The following AP3S1 variants were observed in gnomAD, a reference collection of about 807,000 sequenced individuals.
The protein encoded by AP3S1 is AP-3 complex subunit sigma-1.
Under a neutral mutation model 21.3 loss-of-function variants are expected in AP3S1, and 12 were observed. The observed-to-expected ratio is 0.56, with a 90% CI of 0.36 to 0.91. AP3S1 has a LOEUF of 0.91. Ranked by LOEUF, AP3S1 falls within the 40% of genes least tolerant of loss-of-function variation. The pLI is 0.01. For missense variants in AP3S1, 116 were observed against 225.0 expected (o/e 0.52, Z 3.10); for synonymous variants, 48 against 78.4 (o/e 0.61, Z 2.05).
intron 4 of AP3S1, 62 bp from the exon 5 acceptor site, chr5:115,902,823 A>G: frequency 8.2e-7 from 1 of 1,218,076 alleles, no homozygotes. Flanking sequence ...ACAAAAAGTG[A>G]ATCATGAAAC....
intron 3 of AP3S1, among the ~76,000 whole-genome samples, chr5:115,884,860 A>T (rs1580701118): frequency 6.6e-6 from 1 of 152,292 alleles, no homozygotes; most frequent in Middle Eastern, 3.4e-3. Context: ...TGTTGACTTG[A>T]GAGGCCCTGG....
intron 5 of AP3S1, among the ~76,000 whole-genome samples, chr5:115,909,885 G>T (rs1751957932): frequency 6.6e-6 from 1 of 152,018 alleles, no homozygotes; most frequent in Admixed American, 6.6e-5. Flanking sequence ...ATATACATAT[G>T]ATAAAATTTA....
chr5:115,872,071 T>G (rs1388626683), intron 3 of AP3S1, among the ~76,000 whole-genome samples: 2 of 152,142 alleles, frequency 1.3e-5, no homozygotes, highest in Admixed American at 1.3e-4. Context: ...CCTAGCACTT[T>G]GGAAGGCTAA....
At chr5:115,886,376 C>T (rs1434370895) in intron 3 of AP3S1, among the ~76,000 whole-genome samples, 1 of 151,680 alleles carries the variant, frequency 6.6e-6, no homozygotes, top group Middle Eastern at 3.2e-3. Flanking sequence ...ACCTCTGCCA[C>T]CCCTGAGACA....
chr5:115,859,434 A>T (rs1408596984), intron 1 of AP3S1, among the ~76,000 whole-genome samples: 2 of 152,154 alleles, frequency 1.3e-5, no homozygotes, highest in Non-Finnish European at 2.9e-5. Flanking sequence ...ATTTTTAACA[A>T]CCTGATCATC....
intron 3 of AP3S1, among the ~76,000 whole-genome samples, chr5:115,871,432 C>A (rs932931070): frequency 3.3e-5 from 5 of 152,154 alleles, no homozygotes; most frequent in Non-Finnish European, 7.4e-5. Context: ...CCCTCCACTC[C>A]ATCTCACTAT....
At chr5:115,887,338 G>A (rs3797567) in intron 3 of AP3S1, among the ~76,000 whole-genome samples, 2 of 149,836 alleles carry the variant, frequency 1.3e-5, no homozygotes, top group Non-Finnish European at 3.0e-5. Context: ...AAGACTTTTC[G>A]TATCTTATAA....
intron 2 of AP3S1, among the ~76,000 whole-genome samples, chr5:115,868,513 G>A (rs1379017947): frequency 1.3e-5 from 2 of 152,080 alleles, no homozygotes; most frequent in Non-Finnish European, 2.9e-5. Context: ...GCTATTAGAA[G>A]ACATAGAAGT....
intron 1 of AP3S1, among the ~76,000 whole-genome samples, chr5:115,854,086 G>A (rs1404702730): frequency 1.3e-5 from 2 of 152,118 alleles, no homozygotes; most frequent in Admixed American, 1.3e-4. Flanking sequence ...GCATCACATG[G>A]TATGCACACG....
intron 1 of AP3S1, among the ~76,000 whole-genome samples, chr5:115,853,799 A>G (rs1436867718): frequency 3.3e-5 from 5 of 152,164 alleles, no homozygotes; most frequent in Admixed American, 3.3e-4. Context: ...TAGACCTTCC[A>G]GCTACCACCA....
At chr5:115,885,532 G>A (rs1057402401) in intron 3 of AP3S1, among the ~76,000 whole-genome samples, 5 of 152,164 alleles carry the variant, frequency 3.3e-5, no homozygotes, top group Non-Finnish European at 7.3e-5. Context: ...AGCAAGCAAG[G>A]TTATTTAACC....
At chr5:115,901,242 A>G (rs1264543363) in intron 4 of AP3S1, among the ~76,000 whole-genome samples, 2 of 152,184 alleles carry the variant, frequency 1.3e-5, no homozygotes, top group Non-Finnish European at 2.9e-5. Context: ...TATAACAAGT[A>G]TGTGCACAGC....
intron 3 of AP3S1, among the ~76,000 whole-genome samples, chr5:115,888,629 A>C (rs1018438454): frequency 6.6e-6 from 1 of 151,852 alleles, no homozygotes; most frequent in Non-Finnish European, 1.5e-5. Context: ...TAGTATTCAC[A>C]TTTTTTTACA....
intron 3 of AP3S1, among the ~76,000 whole-genome samples, chr5:115,889,732 T>C (rs1253647843): frequency 6.6e-6 from 1 of 152,152 alleles, no homozygotes; most frequent in Non-Finnish European, 1.5e-5. Context: ...TCCCAGCTAC[T>C]CAGGTGTCTG....
intron 1 of AP3S1, among the ~76,000 whole-genome samples, chr5:115,854,593 C>G (rs2112791226): frequency 6.6e-6 from 1 of 152,202 alleles, no homozygotes; most frequent in Admixed American, 6.5e-5. Flanking sequence ...AGAAAACACA[C>G]TAACTGAATT....
At chr5:115,904,408 C>T (rs1339545878) in intron 5 of AP3S1, among the ~76,000 whole-genome samples, 1 of 152,186 alleles carries the variant, frequency 6.6e-6, no homozygotes, top group African/African-American at 2.4e-5. Flanking sequence ...GAATAAATCT[C>T]AAATCTAGAA....
intron 3 of AP3S1, among the ~76,000 whole-genome samples, chr5:115,871,821 T>C (rs1412871175): frequency 3.9e-5 from 6 of 152,218 alleles, no homozygotes; most frequent in Admixed American, 3.9e-4. Context: ...AGATGACTAC[T>C]CATACAGTCT....
chr5:115,903,094 G>A (rs1751355995), intron 5 of AP3S1, 102 bp downstream of exon 5: 2 of 826,486 alleles, frequency 2.4e-6, no homozygotes, highest in East Asian at 2.8e-5. Flanking sequence ...CACCCTTTAG[G>A]TTCAGCCGTT....
chr5:115,859,050 A>G (rs1388294731), intron 1 of AP3S1, among the ~76,000 whole-genome samples: 2 of 152,104 alleles, frequency 1.3e-5, no homozygotes, highest in Non-Finnish European at 2.9e-5. Context: ...CACCTATATT[A>G]GAGTTGTCTT....
Sources: allele counts gnomAD v4.1 joint callset (sites outside exome capture counted in the v4.1 genomes callset), GRCh38; gene constraint gnomAD v4.1.1; transcripts MANE v1.5; gene names NCBI Gene and HGNC (gene_info 2026-07-23, HGNC 2026-07-21).